CEP162: variants seen among roughly 807,000 people sequenced by gnomAD.
CEP162 encodes the protein centrosomal protein of 162 kDa.
CEP162 carries 141 observed loss-of-function variants against 169.2 expected under a neutral mutation model. The observed-to-expected ratio is 0.83, with a 90% CI of 0.73 to 0.96. The LOEUF is 0.96. Ranked by LOEUF, CEP162 falls within the 40% of genes least tolerant of loss-of-function variation. CEP162 has a pLI of 0.00. For missense variants in CEP162, 1,600 were observed against 1,587.2 expected (o/e 1.01, Z -0.14); for synonymous variants, 540 against 526.4 (o/e 1.03, Z -0.35).
In CEP162 at chr6:84,221,123, T is replaced by C. The variant is rs866466690; in HGVS notation, c.106A>G (p.Lys36Glu). ...ENSDKTARQS[K>E]KEMKKKDTVP... Reference sequence around the variant, plus strand: ...GTATCTTTCTTCTTCATCTCTTTTTTAGATTGTCTAGCTGTTTTGTCTGAA... The same window carrying C: ...GTATCTTTCTTCTTCATCTCTTTTTCAGATTGTCTAGCTGTTTTGTCTGAA... The change falls in exon 3 of 27, where the codon AAA becomes GAA. Residue 36 changes from lysine to glutamate, a missense_variant. Lys to Glu is a moderately conservative substitution (Grantham distance 56). Transcript: ENST00000403245. 5 of 1,602,130 alleles carry C rather than the reference T, an allele frequency of 3.1e-6. No individual in the cohort carries two copies. The highest frequency in any genetic ancestry group is 4.3e-6 in the Non-Finnish European group (5 of 1,169,824).
chr6:84,157,723 G>C (rs1170437279), intron 21 of CEP162, among the ~76,000 whole-genome samples: 2 of 152,062 alleles, frequency 1.3e-5, no homozygotes, highest in Non-Finnish European at 2.9e-5. Flanking sequence ...GTCCTCTTGA[G>C]TACAAAGCTC....
intron 2 of CEP162, among the ~76,000 whole-genome samples, chr6:84,221,418 G>A (rs762895905): frequency 3.9e-5 from 6 of 152,058 alleles, no homozygotes; most frequent in East Asian, 3.9e-4. Context: ...CAACAAAGAC[G>A]TAAAACTTGA....
chr6:84,225,186 A>C (rs1489186591), intron 2 of CEP162, among the ~76,000 whole-genome samples: 1 of 152,090 alleles, frequency 6.6e-6, no homozygotes, highest in Non-Finnish European at 1.5e-5. Context: ...AATTATGGGG[A>C]TATGTTCTGA....
At position 84,215,478 on chromosome 6, in the gene CEP162, C is replaced by A. The variant is rs2099551192; in HGVS notation, c.320-13G>T. On this transcript the variant is annotated splice_polypyrimidine_tract_variant and intron_variant, in intron 4 of 26. Transcript: ENST00000403245. ...GAAACTACTAGTTCTAAATGGAAAGCACAAATATATTTTAGTAATATACAG... is the reference window on the plus strand; with the variant it reads ...GAAACTACTAGTTCTAAATGGAAAGAACAAATATATTTTAGTAATATACAG... 1 of 1,532,758 alleles carries A rather than the reference C, an allele frequency of 6.5e-7. No homozygotes were observed. The highest frequency in any genetic ancestry group is 1.4e-5 in the African/African-American group (1 of 71,892). 94.9% of individuals were successfully genotyped at this position (1,532,758 alleles called of 1,614,324 possible).
At chr6:84,202,518 CTTTTTTTTTTTTT>C (rs70987776) in intron 7 of CEP162, among the ~76,000 whole-genome samples, 9 of 90,770 alleles carry the variant, frequency 9.9e-5, no homozygotes, top group Non-Finnish European at 1.2e-4. Flanking sequence ...TTCTTTCTTT[CTTTTTTTTTTTTT>C]TTTTTTTTTT....
rs369876366 is a variant in CEP162 at position 84,221,114 on chromosome 6, T to C, written c.115A>G (p.Met39Val). 1 of 1,604,472 alleles carries C rather than the reference T, an allele frequency of 6.2e-7. No individual in the cohort carries two copies. Among genetic ancestry groups the C allele is most frequent in the Non-Finnish European group, 8.5e-7 (1 of 1,171,848 alleles). ...DKTARQSKKE[M>V]KKKDTVPWWI... Reference sequence around the variant, plus strand: ...CAAGGCACTGTATCTTTCTTCTTCATCTCTTTTTTAGATTGTCTAGCTGTT... The same window carrying C: ...CAAGGCACTGTATCTTTCTTCTTCACCTCTTTTTTAGATTGTCTAGCTGTT... Residue 39 changes from methionine (M) to valine (V), a missense_variant, in exon 3 of 27, where the codon ATG becomes GTG. By Grantham distance (21) the Met-to-Val change is conservative. Coordinates refer to ENST00000403245, the MANE Select transcript of CEP162 (RefSeq NM_014895.4).
intron 3 of CEP162, among the ~76,000 whole-genome samples, chr6:84,219,513 G>T (rs918480236): frequency 6.6e-6 from 1 of 152,124 alleles, no homozygotes; most frequent in African/African-American, 2.4e-5. Flanking sequence ...AAGGCTTTGT[G>T]TCCCAAATCT....
intron 10 of CEP162, among the ~76,000 whole-genome samples, chr6:84,194,500 T>C (rs2099541296): frequency 6.6e-6 from 1 of 151,324 alleles, no homozygotes; most frequent in Non-Finnish European, 1.5e-5. Context: ...GTTGCCAGGC[T>C]GGAGGAGCAG....
intron 2 of CEP162, among the ~76,000 whole-genome samples, chr6:84,225,080 A>G (rs551335653): frequency 2.6e-5 from 4 of 152,298 alleles, no homozygotes; most frequent in Admixed American, 2.6e-4. Context: ...CCCTTTTTTA[A>G]CAAGAATGTA....
chr6:84,153,972 T>C (rs1441178812), intron 22 of CEP162, among the ~76,000 whole-genome samples: 1 of 152,102 alleles, frequency 6.6e-6, no homozygotes, highest in Non-Finnish European at 1.5e-5. Context: ...TGCACAGAGA[T>C]AGCACATTTA....
chr6:84,161,714 AGAG>A (rs142690243), intron 20 of CEP162, 29 bp downstream of exon 20: 71,101 of 1,473,132 alleles, frequency 0.048, 2,066 homozygotes, highest in Admixed American at 0.096. Context: ...GGATTCATCT[AGAG>A]AAGAAATACA....
chr6:84,155,576 G>A, intron 21 of CEP162, 66 bp from the exon 22 acceptor site: 1 of 1,091,782 alleles, frequency 9.2e-7, no homozygotes, highest in Non-Finnish European at 1.3e-6. Context: ...AAAGTTTCAG[G>A]ATACAATCTA....
At chr6:84,177,063 G>A (rs976774542) in intron 13 of CEP162, among the ~76,000 whole-genome samples, 4 of 151,942 alleles carry the variant, frequency 2.6e-5, no homozygotes, top group African/African-American at 9.7e-5. Flanking sequence ...CTACATCTTA[G>A]AAGTACAAAA....
intron 24 of CEP162, among the ~76,000 whole-genome samples, chr6:84,148,939 G>A (rs1180054092): frequency 6.6e-6 from 1 of 152,110 alleles, no homozygotes; most frequent in Non-Finnish European, 1.5e-5. Flanking sequence ...AGGCCACATG[G>A]TAATGCTCAT....
intron 10 of CEP162, 59 bp from the exon 11 acceptor site, chr6:84,193,749 T>TAAA (rs1289013276): frequency 1.0e-6 from 1 of 988,064 alleles, no homozygotes; most frequent in Non-Finnish European, 1.5e-6. Context: ...TTAATTTACA[T>TAAA]GTGTAATAAC....
In CEP162 at chr6:84,186,404, C is replaced by A; in HGVS notation, c.1329G>T (p.Met443Ile). Residue 443 changes from methionine to isoleucine, a missense_variant, in exon 12 of 27, where the codon ATG becomes ATT. By Grantham distance (10) the Met-to-Ile change is conservative. Coordinates refer to ENST00000403245, the MANE Select transcript of CEP162 (RefSeq NM_014895.4). ...TTTTTTTCCTCAAAATATTAAGGTA[C>A]ATTTTATCAACATGTTCTTCTGTGG... ...VTATEEHVDK[M>I]YLNILRKKIT... 6.4e-7 allele frequency: 1 copy of A among 1,567,812 alleles called. No homozygotes were observed. The highest frequency in any genetic ancestry group is 8.8e-7 in the Non-Finnish European group (1 of 1,137,998).
At chr6:84,153,586 C>T (rs1363304638) in intron 22 of CEP162, among the ~76,000 whole-genome samples, 1 of 152,148 alleles carries the variant, frequency 6.6e-6, no homozygotes, top group Non-Finnish European at 1.5e-5. Flanking sequence ...CATTTTCAAC[C>T]TTCTAACATC....
chr6:84,219,234 A>G (rs2099552711), intron 3 of CEP162: 3 of 1,017,360 alleles, frequency 2.9e-6, no homozygotes, highest in African/African-American at 3.3e-5. Context: ...AGAACATAAT[A>G]CAAACTCAGT....
chr6:84,212,696 A>C lies in CEP162; in HGVS notation c.571+261T>G, dbSNP rs183191758. Among the ~76,000 whole-genome samples, 525 of 152,236 alleles carry C rather than the reference A, an allele frequency of 3.4e-3. 3 individuals carry two copies. The highest frequency in any genetic ancestry group is 0.012 in the African/African-American group (483 of 41,578). ...AAATACACTGCTGTAAAGGGTAAAA[A>C]CACATCAATTAAAAGGCAGAGACTG... On this transcript the variant is annotated intron_variant, in intron 6 of 26. Coordinates refer to ENST00000403245, the MANE Select transcript of CEP162 (RefSeq NM_014895.4).
Sources: allele counts gnomAD v4.1 joint callset (sites outside exome capture counted in the v4.1 genomes callset), GRCh38; gene constraint gnomAD v4.1.1; transcripts MANE v1.5; gene names NCBI Gene and HGNC (gene_info 2026-07-23, HGNC 2026-07-21).